Variants in PRICKLE2 observed in about 807,000 individuals in gnomAD.
The protein encoded by PRICKLE2 is prickle planar cell polarity protein 2.
In PRICKLE2, 21 loss-of-function variants were observed where a neutral mutation model predicts 81.4. That is an observed-to-expected ratio of 0.26 (90% confidence interval 0.18 to 0.37). PRICKLE2 has a LOEUF of 0.37. Ranked by LOEUF, PRICKLE2 falls within the 10% of genes least tolerant of loss-of-function variation. PRICKLE2 has a pLI of 1.00. For missense variants in PRICKLE2, 940 were observed against 1,109.0 expected (o/e 0.85, Z 2.16); for synonymous variants, 456 against 421.5 (o/e 1.08, Z -1.00).
At chr3:64,153,014 G>A (rs545468965) in intron 6 of PRICKLE2, among the ~76,000 whole-genome samples, 168 bp downstream of exon 6, 101 of 152,300 alleles carry the variant, frequency 6.6e-4, no homozygotes, top group South Asian at 1.9e-3. Flanking sequence ...TCTGAAGCTA[G>A]TATACTTCTT....
chr3:64,193,162 G>A (rs934593793), intron 2 of PRICKLE2, among the ~76,000 whole-genome samples: 1 of 152,204 alleles, frequency 6.6e-6, no homozygotes, highest in African/African-American at 2.4e-5. Context: ...AAGGTTAGCT[G>A]CTGCTGTCTT....
At chr3:64,158,507 A>T (rs1428893943) in intron 4 of PRICKLE2, among the ~76,000 whole-genome samples, 1 of 152,238 alleles carries the variant, frequency 6.6e-6, no homozygotes, top group African/African-American at 2.4e-5. Context: ...GGTCAAGGTC[A>T]TCTGGAAGAA....
chr3:64,153,124 C>A, intron 6 of PRICKLE2, 58 bp downstream of exon 6: 1 of 1,510,598 alleles, frequency 6.6e-7, no homozygotes, highest in South Asian at 1.1e-5. Context: ...TAACTACACC[C>A]AAAACAAAGG....
chr3:64,113,380 C>G (rs1045846098), intron 7 of PRICKLE2, among the ~76,000 whole-genome samples: 1 of 152,172 alleles, frequency 6.6e-6, no homozygotes, highest in Non-Finnish European at 1.5e-5. Context: ...CTGTTGGCCT[C>G]TTCTGGGGCC....
intron 2 of PRICKLE2, among the ~76,000 whole-genome samples, chr3:64,261,641 C>T (rs2079616215): frequency 1.3e-5 from 2 of 151,964 alleles, no homozygotes; most frequent in African/African-American, 2.4e-5. Context: ...CCTAGCCAGG[C>T]AAAGATCTAT....
intron 7 of PRICKLE2, chr3:64,141,897 T>A (rs536956662): frequency 1.0e-6 from 1 of 985,022 alleles, no homozygotes; most frequent in East Asian, 1.1e-4. Flanking sequence ...ATCTGAAGGA[T>A]CAAGGTGCTT....
chr3:64,110,785 A>G (rs1358408928), intron 7 of PRICKLE2, among the ~76,000 whole-genome samples: 1 of 151,970 alleles, frequency 6.6e-6, no homozygotes, highest in Non-Finnish European at 1.5e-5. Flanking sequence ...AGCAGCAGGA[A>G]TGAGGCTCAG....
chr3:64,233,461 T>C (rs757109902), intron 2 of PRICKLE2, among the ~76,000 whole-genome samples: 1 of 152,228 alleles, frequency 6.6e-6, no homozygotes, highest in Non-Finnish European at 1.5e-5. Flanking sequence ...ACATGAACAC[T>C]GGCCCTCAAA....
At chr3:64,267,618 T>C (rs1318366990) in intron 2 of PRICKLE2, among the ~76,000 whole-genome samples, 2 of 151,050 alleles carry the variant, frequency 1.3e-5, no homozygotes, top group South Asian at 2.1e-4. Context: ...CCCTCTTAAG[T>C]AGTCCTAATA....
rs533504749 is a variant in PRICKLE2 at position 64,189,603 on chromosome 3, A to G, written c.144+9181T>C. Among the ~76,000 whole-genome samples, 7 of 152,350 alleles carry G rather than the reference A, an allele frequency of 4.6e-5. No homozygotes were observed. The East Asian group carries it at 1.4e-3, about 29-fold the overall frequency. The stretch of plus-strand genomic sequence containing the variant: ...CAAGTTTCTGATCCTGTGAGCCTCA[A>G]TGATTTCAATGGAGAAATAGAAGAT... On this transcript the variant is annotated intron_variant, in intron 2 of 7. Transcript: ENST00000638394.
At chr3:64,117,507 A>C (rs1000828718) in intron 7 of PRICKLE2, among the ~76,000 whole-genome samples, 1 of 152,236 alleles carries the variant, frequency 6.6e-6, no homozygotes, top group Non-Finnish European at 1.5e-5. Flanking sequence ...GCAAAGTCTC[A>C]GGATCAAAAA....
intron 7 of PRICKLE2, chr3:64,141,861 A>T (rs749193273): frequency 1.2e-5 from 12 of 985,084 alleles, no homozygotes; most frequent in African/African-American, 1.7e-5. Flanking sequence ...AAGAAAAAAG[A>T]ATCCATCATC....
chr3:64,140,978 A>G (rs575791645), intron 7 of PRICKLE2, among the ~76,000 whole-genome samples: 1 of 152,268 alleles, frequency 6.6e-6, no homozygotes, highest in South Asian at 2.1e-4. Flanking sequence ...TTTGCAGTTG[A>G]TCACACCTGG....
chr3:64,201,232 GTTT>G (rs1041110257), intron 1 of PRICKLE2, among the ~76,000 whole-genome samples: 1 of 152,094 alleles, frequency 6.6e-6, no homozygotes, highest in Non-Finnish European at 1.5e-5. Context: ...CCTGGCCAAA[GTTT>G]TTAATTCTTT....
intron 7 of PRICKLE2, among the ~76,000 whole-genome samples, chr3:64,122,365 G>C (rs2077040855): frequency 6.6e-6 from 1 of 152,172 alleles, no homozygotes; most frequent in Non-Finnish European, 1.5e-5. Context: ...TCAGGGTGTT[G>C]TCTGGGAACC....
At chr3:64,239,971 A>T (rs2079239167) in intron 2 of PRICKLE2, among the ~76,000 whole-genome samples, 1 of 151,018 alleles carries the variant, frequency 6.6e-6, no homozygotes, top group South Asian at 2.1e-4. Flanking sequence ...AAAAAAAAAA[A>T]AAAAAAAAAA....
intron 2 of PRICKLE2, among the ~76,000 whole-genome samples, chr3:64,266,495 C>A (rs1035139179): frequency 1.3e-5 from 2 of 152,150 alleles, no homozygotes; most frequent in African/African-American, 2.4e-5. Flanking sequence ...CCTCCCTAAC[C>A]CCCACTTTTT....
chr3:64,224,012 C>A (rs1159120419), intron 1 of PRICKLE2, among the ~76,000 whole-genome samples: 1 of 152,192 alleles, frequency 6.6e-6, no homozygotes, highest in Admixed American at 6.5e-5. Flanking sequence ...CTGGAGCCCT[C>A]CCCTGACTGT....
chr3:64,210,424 C>T (rs999878182), intron 1 of PRICKLE2, among the ~76,000 whole-genome samples: 1 of 152,102 alleles, frequency 6.6e-6, no homozygotes, highest in Admixed American at 6.5e-5. Flanking sequence ...CTAATAAACA[C>T]AGAAGCTCAA....
Sources: allele counts gnomAD v4.1 joint callset (sites outside exome capture counted in the v4.1 genomes callset), GRCh38; gene constraint gnomAD v4.1.1; transcripts MANE v1.5; gene names NCBI Gene and HGNC (gene_info 2026-07-23, HGNC 2026-07-21).